The following DLGAP2 variants were observed in gnomAD, a reference collection of about 807,000 sequenced individuals.
DLGAP2 encodes the protein disks large-associated protein 2.
Under a neutral mutation model 100.3 loss-of-function variants are expected in DLGAP2, and 26 were observed. The observed-to-expected ratio is 0.26, with a 90% CI of 0.19 to 0.36. The LOEUF is 0.36. Ranked by LOEUF, DLGAP2 falls within the 10% of genes least tolerant of loss-of-function variation. The pLI is 1.00. For synonymous variants in DLGAP2, 886 were observed against 630.1 expected (o/e 1.41, Z -6.08); for missense variants, 1,858 against 1,453.2 (o/e 1.28, Z -4.53).
intron 3 of DLGAP2, among the ~76,000 whole-genome samples, chr8:1,373,466 G>T (rs962574698): frequency 6.6e-6 from 1 of 152,180 alleles, no homozygotes; most frequent in Non-Finnish European, 1.5e-5. Flanking sequence ...GCCGAGACCC[G>T]AATCCGGGAT....
intron 1 of DLGAP2, among the ~76,000 whole-genome samples, chr8:745,634 A>ATT: frequency 6.6e-6 from 1 of 152,356 alleles, no homozygotes; most frequent in South Asian, 2.1e-4. Context: ...AGCTAAGTGG[A>ATT]TGTTCCCTCC....
intron 3 of DLGAP2, among the ~76,000 whole-genome samples, chr8:1,476,633 G>T (rs925894019): frequency 6.6e-6 from 1 of 152,070 alleles, no homozygotes; most frequent in African/African-American, 2.4e-5. Flanking sequence ...CCCTCTCCTG[G>T]AGCCGGACCC....
intron 3 of DLGAP2, among the ~76,000 whole-genome samples, chr8:1,332,387 TAGTG>T (rs1022565137): frequency 6.6e-5 from 10 of 151,962 alleles, no homozygotes; most frequent in African/African-American, 2.4e-4. Flanking sequence ...ACATGTGTGT[TAGTG>T]TGTGTCTGCA....
At chr8:1,227,258 C>T (rs772905369) in intron 2 of DLGAP2, among the ~76,000 whole-genome samples, 19 of 139,124 alleles carry the variant, frequency 1.4e-4, no homozygotes, top group Admixed American at 2.1e-4. Context: ...GGATATTATT[C>T]AGCCTTATAA....
At chr8:793,192 G>T (rs1354528409) in intron 1 of DLGAP2, among the ~76,000 whole-genome samples, 1 of 152,010 alleles carries the variant, frequency 6.6e-6, no homozygotes, top group Non-Finnish European at 1.5e-5. Context: ...CACATCTGTG[G>T]GTGGGAAAGC....
intron 6 of DLGAP2, among the ~76,000 whole-genome samples, chr8:1,567,564 A>T (rs1479610750): frequency 6.6e-6 from 1 of 152,078 alleles, no homozygotes; most frequent in Non-Finnish European, 1.5e-5. Context: ...TCCTTCTTCC[A>T]CTCATTCACC....
chr8:1,299,393 T>C (rs1445967135), intron 3 of DLGAP2, among the ~76,000 whole-genome samples: 8 of 152,212 alleles, frequency 5.3e-5, no homozygotes, highest in Non-Finnish European at 1.2e-4. Flanking sequence ...TGGCCCTTCT[T>C]TCACATGTGG....
rs183149400 is a variant in DLGAP2 at position 889,979 on chromosome 8, G to A, written c.19-17933G>A. 1.7e-4 allele frequency among the ~76,000 whole-genome samples: 26 copies of A among 152,156 alleles called. No individual in the cohort carries two copies. The East Asian group carries it at 3.7e-3, about 22-fold the overall frequency. On this transcript the variant is annotated intron_variant, in intron 1 of 14. Transcript: ENST00000637795. ...CCGCTGGGTAGTGTGCTCACTCACC[G>A]CCTCCCTTGGCTGGGGGAAGGGACT...
intron 4 of DLGAP2, among the ~76,000 whole-genome samples, chr8:1,537,788 CAAATGGAT>C (rs1801207644): frequency 7.1e-6 from 1 of 141,192 alleles, no homozygotes. Context: ...GAAGGAAGGA[CAAATGGAT>C]AAATGGATGG....
At chr8:1,523,514 G>T (rs73172591) in intron 4 of DLGAP2, among the ~76,000 whole-genome samples, 53 of 152,182 alleles carry the variant, frequency 3.5e-4, no homozygotes, top group Non-Finnish European at 1.0e-4. Flanking sequence ...TGCCTTAGAC[G>T]GGGGGGAAGG....
At chr8:1,525,170 G>A (rs1431831936) in intron 4 of DLGAP2, among the ~76,000 whole-genome samples, 1 of 147,070 alleles carries the variant, frequency 6.8e-6, no homozygotes, top group Non-Finnish European at 1.5e-5. Flanking sequence ...ATTCACCGGT[G>A]TGTCTCTAGG....
intron 3 of DLGAP2, among the ~76,000 whole-genome samples, chr8:1,327,855 T>C (rs1801057909): frequency 6.6e-6 from 1 of 151,890 alleles, no homozygotes; most frequent in Non-Finnish European, 1.5e-5. Flanking sequence ...AAAAAATAAA[T>C]AAATAAAATG....
chr8:1,451,722 G>A (rs1017494282), intron 3 of DLGAP2, among the ~76,000 whole-genome samples: 4 of 152,092 alleles, frequency 2.6e-5, no homozygotes, highest in Admixed American at 6.6e-5. Context: ...CTCCGCCTCA[G>A]CAACTCCATC....
chr8:1,708,104 A>C lies in DLGAP2; in HGVS notation c.*6698A>C, dbSNP rs911058379. ...CATGACTTTTTTTCACTCTCAGCTGACTGTAAGAAACTGTGCACCGTTTCC... is the reference window on the plus strand; with the variant it reads ...CATGACTTTTTTTCACTCTCAGCTGCCTGTAAGAAACTGTGCACCGTTTCC... On this transcript the variant is annotated 3_prime_UTR_variant, in exon 15 of 15. Coordinates refer to ENST00000637795, the MANE Select transcript of DLGAP2 (RefSeq NM_001346810.2). 3.5e-4 allele frequency: 53 copies of C among 152,238 alleles called. No homozygotes were observed. Among genetic ancestry groups the C allele is most frequent in the Middle Eastern group, 3.4e-3 (1 of 294 alleles). The allele number at this position is 152,238 out of a possible 1,614,324, so 9.4% of individuals were successfully genotyped here.
intron 1 of DLGAP2, among the ~76,000 whole-genome samples, chr8:873,342 G>A (rs187033482): frequency 2.0e-5 from 3 of 152,020 alleles, no homozygotes; most frequent in Non-Finnish European, 4.4e-5. Context: ...TCATTACCCT[G>A]GCTAGGACCA....
chr8:790,740 G>T (rs1822002008), intron 1 of DLGAP2, among the ~76,000 whole-genome samples: 2 of 152,090 alleles, frequency 1.3e-5, no homozygotes, highest in Admixed American at 1.3e-4. Flanking sequence ...CATGTGAAAA[G>T]ATTTTTTTTG....
At chr8:884,347 A>T (rs537008820) in intron 1 of DLGAP2, among the ~76,000 whole-genome samples, 41 of 152,192 alleles carry the variant, frequency 2.7e-4, no homozygotes, top group African/African-American at 9.2e-4. Flanking sequence ...CTGGCATGAG[A>T]TGGTATCTCA....
intron 3 of DLGAP2, among the ~76,000 whole-genome samples, chr8:1,312,164 A>G (rs1424135959): frequency 3.9e-5 from 6 of 152,268 alleles, no homozygotes; most frequent in Non-Finnish European, 7.3e-5. Flanking sequence ...CCAAAAATCT[A>G]GACACAGATC....
intron 8 of DLGAP2, among the ~76,000 whole-genome samples, chr8:1,644,629 A>G (rs865949018): frequency 3.3e-5 from 5 of 152,258 alleles, no homozygotes; most frequent in Non-Finnish European, 1.5e-5. Context: ...CTCCAGCCAC[A>G]TAGCACATTT....
Sources: allele counts gnomAD v4.1 joint callset (sites outside exome capture counted in the v4.1 genomes callset), GRCh38; gene constraint gnomAD v4.1.1; transcripts MANE v1.5; gene names NCBI Gene and HGNC (gene_info 2026-07-23, HGNC 2026-07-21).